The following SGCZ variants were observed in gnomAD, a reference collection of about 807,000 sequenced individuals.
SGCZ encodes sarcoglycan zeta.
A neutral mutation model predicts 41.3 loss-of-function variants in SGCZ; 40 were observed. The ratio of observed to expected loss-of-function variants is 0.97; its 90% CI spans 0.75 to 1.26. The LOEUF (loss-of-function observed/expected upper bound fraction) is 1.26. SGCZ is among the 50% of genes most tolerant of loss of function. The pLI, the probability that SGCZ is intolerant of heterozygous loss-of-function variation, is 0.00. For missense variants in SGCZ, 552 were observed against 369.8 expected (o/e 1.49, Z -4.04); for synonymous variants, 206 against 137.5 (o/e 1.50, Z -3.49).
chr8:14,189,963 G>A (rs974923516), intron 4 of SGCZ, among the ~76,000 whole-genome samples: 1 of 147,392 alleles, frequency 6.8e-6, no homozygotes, highest in Non-Finnish European at 1.5e-5. Context: ...TGTCCTTTAG[G>A]TTCATCCATG....
chr8:14,828,214 G>C (rs1030933366), intron 1 of SGCZ, among the ~76,000 whole-genome samples: 10 of 152,266 alleles, frequency 6.6e-5, no homozygotes, highest in African/African-American at 1.4e-4. Context: ...GAAATGACCA[G>C]TTTACAAGTA....
At chr8:14,410,151 T>G (rs1004901795) in intron 2 of SGCZ, among the ~76,000 whole-genome samples, 1 of 152,132 alleles carries the variant, frequency 6.6e-6, no homozygotes, top group African/African-American at 2.4e-5. Context: ...CTAGATTGTG[T>G]GCTCCTTATG....
chr8:14,831,591 A>G (rs1232084367), intron 1 of SGCZ, among the ~76,000 whole-genome samples: 1 of 121,244 alleles, frequency 8.2e-6, no homozygotes, highest in Non-Finnish European at 1.7e-5. Context: ...CATGTCTACA[A>G]GTGTGTTTGT....
intron 2 of SGCZ, among the ~76,000 whole-genome samples, chr8:14,445,657 A>G (rs1043684367): frequency 3.3e-5 from 5 of 152,162 alleles, no homozygotes; most frequent in African/African-American, 1.2e-4. Context: ...ACATCGAACA[A>G]GAGCTCAGGA....
At chr8:15,095,422 C>A (rs566123697) in intron 1 of SGCZ, among the ~76,000 whole-genome samples, 2 of 152,148 alleles carry the variant, frequency 1.3e-5, no homozygotes, top group Non-Finnish European at 2.9e-5. Flanking sequence ...AACTGGATAA[C>A]ATTTCATCTA....
chr8:14,324,589 G>A (rs904323132), intron 2 of SGCZ, among the ~76,000 whole-genome samples: 1 of 152,058 alleles, frequency 6.6e-6, no homozygotes, highest in Non-Finnish European at 1.5e-5. Context: ...TTACATTACA[G>A]TTATACAAAT....
intron 4 of SGCZ, among the ~76,000 whole-genome samples, chr8:14,193,560 T>C (rs1297529989): frequency 6.6e-6 from 1 of 152,124 alleles, no homozygotes; most frequent in Non-Finnish European, 1.5e-5. Context: ...TTAAATGATT[T>C]CAGGCTGCTC....
chr8:14,167,276 G>A (rs989930906), intron 4 of SGCZ, among the ~76,000 whole-genome samples: 8 of 152,080 alleles, frequency 5.3e-5, no homozygotes, highest in Non-Finnish European at 1.2e-4. Context: ...CTCTAAGATA[G>A]GTCAAGGCAG....
chr8:14,397,413 G>C (rs1798949480), intron 2 of SGCZ, among the ~76,000 whole-genome samples: 1 of 151,492 alleles, frequency 6.6e-6, no homozygotes, highest in African/African-American at 2.4e-5. Flanking sequence ...TAAAGTAATT[G>C]CTTTAATGGC....
intron 1 of SGCZ, among the ~76,000 whole-genome samples, chr8:15,206,881 C>G (rs903064304): frequency 6.6e-6 from 1 of 151,566 alleles, no homozygotes; most frequent in African/African-American, 2.4e-5. Context: ...CAAAAGGGGT[C>G]AGAATTGGAA....
At chr8:14,270,056 G>C (rs994540064) in intron 3 of SGCZ, among the ~76,000 whole-genome samples, 4 of 152,248 alleles carry the variant, frequency 2.6e-5, no homozygotes, top group African/African-American at 9.6e-5. Context: ...TCAAGTCCAG[G>C]TGTGGTGGTT....
chr8:14,790,562 ATAAC>A (rs149887232), intron 1 of SGCZ, among the ~76,000 whole-genome samples: 2,936 of 152,298 alleles, frequency 0.019, 95 homozygotes, highest in African/African-American at 0.067. Context: ...TGATTCTATA[ATAAC>A]TAAGTAACTA....
At chr8:14,606,487 T>G (rs937398054) in intron 1 of SGCZ, among the ~76,000 whole-genome samples, 2 of 152,176 alleles carry the variant, frequency 1.3e-5, no homozygotes, top group African/African-American at 4.8e-5. Flanking sequence ...CATTCTGGCT[T>G]CTTCTCATTA....
At chr8:14,993,161 T>G (rs191939853) in intron 1 of SGCZ, among the ~76,000 whole-genome samples, 231 of 152,346 alleles carry the variant, frequency 1.5e-3, no homozygotes, top group Non-Finnish European at 2.5e-3. Context: ...CTATCTCCTG[T>G]CTTCCTTGAG....
At chr8:14,590,260 T>G (rs1464952287) in intron 1 of SGCZ, among the ~76,000 whole-genome samples, 3 of 152,040 alleles carry the variant, frequency 2.0e-5, no homozygotes, top group Non-Finnish European at 4.4e-5. Context: ...TAATATGGTG[T>G]GGTAAGTCAT....
chr8:14,387,521 G>C (rs971969903), intron 2 of SGCZ, among the ~76,000 whole-genome samples: 1 of 151,880 alleles, frequency 6.6e-6, no homozygotes, highest in Non-Finnish European at 1.5e-5. Context: ...GATCATTGCT[G>C]GTAATTTTAT....
At chr8:15,149,185 T>A (rs1049328293) in intron 1 of SGCZ, among the ~76,000 whole-genome samples, 4 of 152,046 alleles carry the variant, frequency 2.6e-5, no homozygotes, top group Admixed American at 6.6e-5. Context: ...TATTTTTTTT[T>A]ATTATTGACT....
chr8:14,151,672 G>A (rs558648062), intron 5 of SGCZ, among the ~76,000 whole-genome samples: 4 of 151,978 alleles, frequency 2.6e-5, no homozygotes, highest in East Asian at 1.9e-4. Flanking sequence ...TTGAAATAAA[G>A]AATACAGTTG....
chr8:14,374,962 G>C (rs1320891164), intron 2 of SGCZ, among the ~76,000 whole-genome samples: 1 of 152,160 alleles, frequency 6.6e-6, no homozygotes, highest in East Asian at 1.9e-4. Context: ...TTGCAGTAGA[G>C]ATTATGTAAG....
Sources: gnomAD v4.1 joint callset for allele counts (sites outside exome capture counted in the v4.1 genomes callset) on GRCh38, gnomAD v4.1.1 for gene constraint, MANE v1.5 for transcripts, NCBI Gene and HGNC (gene_info 2026-07-23, HGNC 2026-07-21) for gene names.